The following FAM78B variants were observed in gnomAD, a reference collection of about 807,000 sequenced individuals.
FAM78B encodes the protein protein FAM78B.
A neutral mutation model predicts 20.0 loss-of-function variants in FAM78B; 10 were observed. That is an observed-to-expected ratio of 0.50 (90% CI 0.31 to 0.85). The LOEUF (loss-of-function observed/expected upper bound fraction) is 0.85, where lower values mean the gene tolerates loss of function less well. Among genes scored for constraint, FAM78B ranks in the 40% least tolerant of loss-of-function variants. The pLI, the probability that FAM78B is intolerant of heterozygous loss-of-function variation, is 0.05. For missense variants in FAM78B, 283 were observed against 345.0 expected (o/e 0.82, Z 1.42); for synonymous variants, 135 against 132.8 (o/e 1.02, Z -0.12).
At chr1:166,095,069 G>A (rs932215335) in intron 1 of FAM78B, among the ~76,000 whole-genome samples, 13 of 152,072 alleles carry the variant, frequency 8.5e-5, no homozygotes, top group African/African-American at 2.4e-4. Flanking sequence ...CATTAGACCT[G>A]GTCTAATGAT....
intron 1 of FAM78B, among the ~76,000 whole-genome samples, chr1:166,100,260 C>A (rs1653456324): frequency 1.3e-5 from 2 of 152,198 alleles, no homozygotes; most frequent in Non-Finnish European, 2.9e-5. Flanking sequence ...CAGCTCCCAG[C>A]AGGAGCGATG....
At chr1:166,120,381 T>C (rs925846230) in intron 1 of FAM78B, among the ~76,000 whole-genome samples, 10 of 152,206 alleles carry the variant, frequency 6.6e-5, no homozygotes, top group Admixed American at 1.3e-4. Context: ...GCCTGGAGGC[T>C]TTCTTTCATC....
chr1:166,062,703 A>G (rs1470081316), intron 2 of FAM78B, among the ~76,000 whole-genome samples: 1 of 152,126 alleles, frequency 6.6e-6, no homozygotes. Context: ...AGCTTTCCAT[A>G]GTTTCTGGTA....
intron 1 of FAM78B, among the ~76,000 whole-genome samples, chr1:166,163,302 G>A (rs531931806): frequency 1.3e-5 from 2 of 152,282 alleles, no homozygotes; most frequent in East Asian, 3.9e-4. Flanking sequence ...GAAGTGCCAT[G>A]GAAATGAGTT....
Position 166,070,097 on chromosome 1 carries a change from C to G in FAM78B, c.*144G>C. ...TGGTTCTACCACCCAAGGAGCAGCC[C>G]TACTCTTCAAAAGTGGCTGCAAAGG... On this transcript the variant is annotated 3_prime_UTR_variant, in exon 2 of 2. Coordinates refer to ENST00000354422, the MANE Select transcript of FAM78B (RefSeq NM_001017961.5). 7.3e-7 allele frequency: 1 copy of G among 1,377,724 alleles called. No individual in the cohort carries two copies. The highest frequency in any genetic ancestry group is 2.4e-5 in the South Asian group (1 of 41,696). The allele number at this position is 1,377,724 out of a possible 1,614,324, so 85.3% of individuals were successfully genotyped here. A position where few individuals can be genotyped will look rare whatever the true frequency, so the allele number is the denominator to read the frequency against.
At chr1:166,094,599 G>A (rs140019190) in intron 1 of FAM78B, among the ~76,000 whole-genome samples, 1 of 152,228 alleles carries the variant, frequency 6.6e-6, no homozygotes, top group East Asian at 1.9e-4. Flanking sequence ...AATTTTCTTA[G>A]AAGACTGATA....
At chr1:166,132,152 AAT>A (rs1167511953) in intron 1 of FAM78B, among the ~76,000 whole-genome samples, 1 of 152,234 alleles carries the variant, frequency 6.6e-6, no homozygotes, top group East Asian at 1.9e-4. Flanking sequence ...AAATAAAGTA[AAT>A]ATGACATGTT....
chr1:166,166,019 A>G lies in FAM78B; in HGVS notation c.230T>C (p.Met77Thr), dbSNP rs1656362799. Residue 77 changes from methionine (M) to threonine (T), a missense_variant, in exon 1 of 2, where the codon ATG becomes ACG. By Grantham distance (81) the Met-to-Thr change is moderately conservative. Transcript: ENST00000354422. ...GTCGCTGTAGGTGTTGAAGAACTCCATCTGATTGCACGCCTGAATCCAGCC... is the reference window on the plus strand; with the variant it reads ...GTCGCTGTAGGTGTTGAAGAACTCCGTCTGATTGCACGCCTGAATCCAGCC... ...VVGWIQACNQ[M>T]EFFNTYSDLG... 1 of 1,613,432 alleles carries G rather than the reference A, an allele frequency of 6.2e-7. No homozygotes were observed. The highest frequency in any genetic ancestry group is 8.5e-7 in the Non-Finnish European group (1 of 1,179,834).
intron 1 of FAM78B, among the ~76,000 whole-genome samples, chr1:166,107,730 C>T (rs940230611): frequency 7.9e-5 from 12 of 152,014 alleles, no homozygotes; most frequent in African/African-American, 2.2e-4. Context: ...TGAACATAGA[C>T]GCTAAAATCC....
At position 166,144,209 on chromosome 1, in the gene FAM78B, TTG is replaced by T. The variant is rs147304263; in HGVS notation, c.263+21775_263+21776del. 6.6e-3 allele frequency among the ~76,000 whole-genome samples: 1,007 copies of T among 152,038 alleles called. 13 individuals are homozygous for T. The highest frequency in any genetic ancestry group is 0.024 in the African/African-American group (977 of 41,500). On this transcript the variant is annotated intron_variant, in intron 1 of 1. Coordinates refer to ENST00000354422, the MANE Select transcript of FAM78B (RefSeq NM_001017961.5). ...AAACTCTAAATTTCCTGTCAGTCTG[TTG>T]TGTGTGTGTTAGCGTTTTCACAGAT...
chr1:166,146,623 A>G (rs2116521), intron 1 of FAM78B, among the ~76,000 whole-genome samples: 140,870 of 152,120 alleles, frequency 0.93, 66,148 homozygotes, highest in East Asian at 1. Flanking sequence ...CCCACATTCA[A>G]AAAAAGGAGG....
At chr1:166,136,416 C>T (rs751732768) in intron 1 of FAM78B, among the ~76,000 whole-genome samples, 2 of 152,060 alleles carry the variant, frequency 1.3e-5, no homozygotes, top group African/African-American at 2.4e-5. Context: ...TGTGCTGGCC[C>T]CCATGAGCGG....
chr1:166,166,293 G>C lies in FAM78B; in HGVS notation c.-45C>G. 1.7e-6 allele frequency: 2 copies of C among 1,196,048 alleles called. No homozygotes were observed. Among genetic ancestry groups the C allele is most frequent in the Non-Finnish European group, 1.0e-6 (1 of 964,396 alleles). 74.1% of individuals were successfully genotyped at this position (1,196,048 alleles called of 1,614,324 possible). A position where few individuals can be genotyped will look rare whatever the true frequency, so the allele number is the denominator to read the frequency against. ...ACGGCGCGGCGTGGGGCAGCGCGGG[G>C]GCCCGCGCGGGCAGCCGGGGGCGCC... On this transcript the variant is annotated 5_prime_UTR_variant, in exon 1 of 2. Transcript: ENST00000354422.
At chr1:166,073,619 T>C (rs557200834) in intron 1 of FAM78B, among the ~76,000 whole-genome samples, 2 of 152,082 alleles carry the variant, frequency 1.3e-5, no homozygotes, top group South Asian at 4.2e-4. Context: ...TCTTTGGTAA[T>C]GGTTTTTCGA....
intron 1 of FAM78B, among the ~76,000 whole-genome samples, chr1:166,145,025 C>T (rs1026990137): frequency 2.0e-5 from 3 of 152,182 alleles, no homozygotes; most frequent in Admixed American, 6.5e-5. Flanking sequence ...AAGGATACAT[C>T]AGTCCCCAGT....
At chr1:166,136,076 A>G (rs951874935) in intron 1 of FAM78B, among the ~76,000 whole-genome samples, 3 of 152,020 alleles carry the variant, frequency 2.0e-5, no homozygotes, top group Admixed American at 2.0e-4. Context: ...TTTAAAGGGG[A>G]CTTGTCACTC....
At chr1:166,132,645 T>G (rs1273062778) in intron 1 of FAM78B, among the ~76,000 whole-genome samples, 1 of 152,200 alleles carries the variant, frequency 6.6e-6, no homozygotes, top group Non-Finnish European at 1.5e-5. Context: ...TGCTCTCTTT[T>G]GCCAAATCAT....
chr1:166,062,357 G>T (rs1651630713), intron 2 of FAM78B, among the ~76,000 whole-genome samples: 1 of 152,288 alleles, frequency 6.6e-6, no homozygotes, highest in African/African-American at 2.4e-5. Context: ...CTACTGAAGA[G>T]AAAAAGACAG....
chr1:166,119,772 C>T (rs957146678), intron 1 of FAM78B, among the ~76,000 whole-genome samples: 4 of 152,202 alleles, frequency 2.6e-5, no homozygotes, highest in Admixed American at 6.5e-5. Context: ...GAATAAAGGA[C>T]GCGTGTCGTA....
Sources: allele counts gnomAD v4.1 joint callset (sites outside exome capture counted in the v4.1 genomes callset), GRCh38; gene constraint gnomAD v4.1.1; transcripts MANE v1.5; gene names NCBI Gene and HGNC (gene_info 2026-07-23, HGNC 2026-07-21).